TIGIT: variants seen among roughly 807,000 people sequenced by gnomAD.
TIGIT encodes T cell immunoreceptor with Ig and ITIM domains, also known as T-cell immunoreceptor with Ig and ITIM domains.
Under a neutral mutation model 19.6 loss-of-function variants are expected in TIGIT, and 11 were observed. That is an observed-to-expected ratio of 0.56 (90% CI 0.35 to 0.93). TIGIT has a LOEUF of 0.93. Among genes scored for constraint, TIGIT ranks in the 40% least tolerant of loss-of-function variants. The pLI is 0.01. For synonymous variants in TIGIT, 130 were observed against 125.5 expected (o/e 1.04, Z -0.24); for missense variants, 295 against 303.9 (o/e 0.97, Z 0.22).
rs940026176 is a variant in TIGIT at position 114,308,950 on chromosome 3, C to T, written c.*819C>T. The stretch of plus-strand genomic sequence containing the variant: ...TTCTCTGGGCAGGCATTTCAAGTTT[C>T]CTTTTGCTGTGACATACTCATCCAT... On this transcript the variant is annotated 3_prime_UTR_variant, in exon 4 of 4. Coordinates refer to ENST00000383671, the MANE Select transcript of TIGIT (RefSeq NM_173799.4). 1 of 152,202 alleles carries T rather than the reference C, an allele frequency of 6.6e-6. No individual in the cohort carries two copies. The highest frequency in any genetic ancestry group is 1.5e-5 in the Non-Finnish European group (1 of 68,046). 9.4% of individuals were successfully genotyped at this position (152,202 alleles called of 1,614,324 possible).
At chr3:114,302,874 T>C (rs1231814307) in intron 3 of TIGIT, among the ~76,000 whole-genome samples, 2 of 152,202 alleles carry the variant, frequency 1.3e-5, no homozygotes. Context: ...ATTTTGGAAA[T>C]TATTCAGTAC....
chr3:114,304,796 A>G (rs529060410), intron 3 of TIGIT, among the ~76,000 whole-genome samples: 4 of 152,164 alleles, frequency 2.6e-5, no homozygotes, highest in Non-Finnish European at 5.9e-5. Flanking sequence ...GCAGCTCCAG[A>G]TGGTATAAGA....
intron 2 of TIGIT, among the ~76,000 whole-genome samples, chr3:114,296,955 C>T (rs113567582): frequency 1.4e-5 from 2 of 144,180 alleles, no homozygotes; most frequent in African/African-American, 2.6e-5. Flanking sequence ...AGTGCAATGG[C>T]GCAATCTCAG....
intron 3 of TIGIT, among the ~76,000 whole-genome samples, chr3:114,301,361 A>G (rs534344610): frequency 6.6e-6 from 1 of 152,338 alleles, no homozygotes; most frequent in African/African-American, 2.4e-5. Context: ...GGGAAAGTCA[A>G]TGATCTATAA....
Position 114,297,283 on chromosome 3 carries a change from C to CT in TIGIT, c.391+1416dup, listed in dbSNP as rs574376513. Among the ~76,000 whole-genome samples the CT allele has an allele frequency of 2.5e-4, 38 of 152,194 alleles. 1 individual carries two copies. In the South Asian group the frequency reaches 7.5e-3, roughly 30 times the overall value. On this transcript the variant is annotated intron_variant, in intron 2 of 3. Transcript: ENST00000383671. ...CCACGAAGTCTGGGTAAATTATGTA[C>CT]TTTTTTTCTCAGTTTTCTTGTCGAT...
rs931518024 is a variant in TIGIT at position 114,309,648 on chromosome 3, T to C, written c.*1517T>C. ...AAATCTGTCCAGAGCTCCAAGTCCT[T>C]TGGAAGAAAGATTAGATGAACGTAA... On this transcript the variant is annotated 3_prime_UTR_variant, in exon 4 of 4. Transcript: ENST00000383671. 7.9e-5 allele frequency: 12 copies of C among 152,204 alleles called. No homozygotes were observed. Among genetic ancestry groups the C allele is most frequent in the African/African-American group, 2.2e-4 (9 of 41,456 alleles). The allele number at this position is 152,204 out of a possible 1,614,324, so 9.4% of individuals were successfully genotyped here. A position where few individuals can be genotyped will look rare whatever the true frequency, so the allele number is the denominator to read the frequency against.
chr3:114,298,953 T>C (rs1471067744), intron 2 of TIGIT, among the ~76,000 whole-genome samples: 2 of 152,240 alleles, frequency 1.3e-5, no homozygotes, highest in African/African-American at 4.8e-5. Flanking sequence ...CTCCTGCATC[T>C]TCTTGCTTCC....
chr3:114,295,844 A>G lies in TIGIT; in HGVS notation c.361A>G (p.Arg121Gly). The G allele has an allele frequency of 6.2e-7, 1 of 1,606,886 alleles. No individual in the cohort carries two copies. The highest frequency in any genetic ancestry group is 2.2e-5 in the East Asian group (1 of 44,698). Residue 121 changes from arginine to glycine, a missense_variant, in exon 2 of 4, where the codon AGA becomes GGA. Transcript: ENST00000383671. Reference sequence around the variant, plus strand: ...CTACCCTGATGGGACGTACACTGGGAGAATCTTCCTGGAGGTCCTAGAAAG... The same window carrying G: ...CTACCCTGATGGGACGTACACTGGGGGAATCTTCCTGGAGGTCCTAGAAAG... Reference protein sequence around the residue: ...HTYPDGTYTGRIFLEVLESSV... With the variant: ...HTYPDGTYTGGIFLEVLESSV...
In TIGIT at chr3:114,308,031, G is replaced by A; in HGVS notation, c.635G>A (p.Gly212Glu). 6.2e-7 allele frequency: 1 copy of A among 1,614,166 alleles called. No homozygotes were observed. Among genetic ancestry groups the A allele is most frequent in the Non-Finnish European group, 8.5e-7 (1 of 1,180,020 alleles). The change falls in exon 4 of 4, where the codon GGA becomes GAA. Residue 212 changes from glycine (G) to glutamate (E), a missense_variant. Gly to Glu is a moderately conservative substitution (Grantham distance 98, BLOSUM62 -2). Coordinates refer to ENST00000383671, the MANE Select transcript of TIGIT (RefSeq NM_173799.4). ...QAEAAPAGLC[G>E]EQRGEDCAEL... ...GAAGCTGCACCTGCTGGGCTCTGTG[G>A]AGAGCAGCGGGGAGAGGACTGTGCC...
At chr3:114,307,741 G>A (rs1057394645) in intron 3 of TIGIT, 154 bp from the exon 4 acceptor site, 25 of 684,536 alleles carry the variant, frequency 3.7e-5, no homozygotes, top group Middle Eastern at 3.8e-4. Context: ...GCTGTAACGC[G>A]GTTGAGAAAT....
In TIGIT at chr3:114,295,734, G is replaced by A. The variant is rs1351685650; in HGVS notation, c.251G>A (p.Arg84Gln). Residue 84 changes from arginine to glutamine, a missense_variant, in exon 2 of 4, where the codon CGA becomes CAA. Coordinates refer to ENST00000383671, the MANE Select transcript of TIGIT (RefSeq NM_173799.4). ...CACATCTCCCCATCCTTCAAGGATCGAGTGGCCCCAGGTCCCGGCCTGGGC... is the reference window on the plus strand; with the variant it reads ...CACATCTCCCCATCCTTCAAGGATCAAGTGGCCCCAGGTCCCGGCCTGGGC... ...GWHISPSFKD[R>Q]VAPGPGLGLT... is the part of the protein sequence containing the mutation. 5 of 1,614,044 alleles carry A rather than the reference G, an allele frequency of 3.1e-6. No individual in the cohort carries two copies. The highest frequency in any genetic ancestry group is 1.3e-5 in the African/African-American group (1 of 74,906).
At position 114,308,134 on chromosome 3, in the gene TIGIT, A is replaced by G. The variant is rs1407290207; in HGVS notation, c.*3A>G. ...GCTTCTTCACAGAGACTGGTTAGCA[A>G]CCAGAGGCATCTTCTGGAAGATACA... On this transcript the variant is annotated 3_prime_UTR_variant, in exon 4 of 4. Transcript: ENST00000383671. The G allele has an allele frequency of 6.2e-7, 1 of 1,612,456 alleles. No individual in the cohort carries two copies. The highest frequency in any genetic ancestry group is 1.1e-5 in the South Asian group (1 of 90,960).
chr3:114,304,267 T>TA (rs571249399), intron 3 of TIGIT, among the ~76,000 whole-genome samples: 13 of 152,304 alleles, frequency 8.5e-5, no homozygotes, highest in South Asian at 8.3e-4. Context: ...ATTTTTGTTT[T>TA]AAAAAAACAC....
chr3:114,308,084 A>G lies in TIGIT; in HGVS notation c.688A>G (p.Ser230Gly). 6 of 1,614,174 alleles carry G rather than the reference A, an allele frequency of 3.7e-6. No individual in the cohort carries two copies. Among genetic ancestry groups the G allele is most frequent in the Non-Finnish European group, 5.1e-6 (6 of 1,180,034 alleles). The change falls in exon 4 of 4, where the codon AGT becomes GGT. Residue 230 changes from serine to glycine, a missense_variant. Transcript: ENST00000383671. Reference protein sequence around the residue: ...AELHDYFNVLSYRSLGNCSFF... With the variant: ...AELHDYFNVLGYRSLGNCSFF... Reference sequence around the variant, plus strand: ...GCTGCATGACTACTTCAATGTCCTGAGTTACAGAAGCCTGGGTAACTGCAG... The same window carrying G: ...GCTGCATGACTACTTCAATGTCCTGGGTTACAGAAGCCTGGGTAACTGCAG...
chr3:114,295,459 G>T (rs2078446901), intron 1 of TIGIT, 86 bp from the exon 2 acceptor site: 7 of 1,017,854 alleles, frequency 6.9e-6, no homozygotes, highest in South Asian at 6.2e-5. Flanking sequence ...TCCAGTTGGG[G>T]CCTCAAAGGC....
intron 2 of TIGIT, among the ~76,000 whole-genome samples, chr3:114,297,408 A>G (rs1032458218): frequency 6.6e-6 from 1 of 152,182 alleles, no homozygotes; most frequent in Non-Finnish European, 1.5e-5. Context: ...TTTTTATGCT[A>G]TTTATTGGTT....
At chr3:114,299,793 C>G (rs1576138730) in intron 3 of TIGIT, 90 bp downstream of exon 3, 5 of 794,518 alleles carry the variant, frequency 6.3e-6, no homozygotes, top group Non-Finnish European at 1.1e-5. Context: ...CAGAGAGAGA[C>G]CCAGATGTGA....
At chr3:114,307,736 A>T in intron 3 of TIGIT, 159 bp from the exon 4 acceptor site, 1 of 659,624 alleles carries the variant, frequency 1.5e-6, no homozygotes, top group Non-Finnish European at 2.6e-6. Context: ...ATCTAGCTGT[A>T]ACGCGGTTGA....
At chr3:114,303,100 T>C (rs1337219963) in intron 3 of TIGIT, among the ~76,000 whole-genome samples, 1 of 152,144 alleles carries the variant, frequency 6.6e-6, no homozygotes, top group Non-Finnish European at 1.5e-5. Flanking sequence ...TAATAAAATA[T>C]TCGTTTTTCT....
Sources: allele counts gnomAD v4.1 joint callset (sites outside exome capture counted in the v4.1 genomes callset), GRCh38; gene constraint gnomAD v4.1.1; transcripts MANE v1.5; gene names NCBI Gene and HGNC (gene_info 2026-07-23, HGNC 2026-07-21).